The following CYTH1 variants were observed in gnomAD, a reference collection of about 807,000 sequenced individuals.
The protein encoded by CYTH1 is cytohesin-1.
CYTH1 carries 18 observed loss-of-function variants against 61.8 expected under a neutral mutation model. The observed-to-expected ratio is 0.29, with a 90% CI of 0.20 to 0.43. The LOEUF (loss-of-function observed/expected upper bound fraction) is 0.43, where lower values mean the gene tolerates loss of function less well. Ranked by LOEUF, CYTH1 falls within the 20% of genes least tolerant of loss-of-function variation. CYTH1 has a pLI of 1.00. For synonymous variants in CYTH1, 174 were observed against 184.3 expected, an observed-to-expected ratio of 0.94 and a Z score of 0.45; for missense variants, 336 against 510.5, an observed-to-expected ratio of 0.66 and a Z score of 3.29.
chr17:78,754,697 G>C (rs1388993680), intron 1 of CYTH1, among the ~76,000 whole-genome samples: 1 of 152,006 alleles, frequency 6.6e-6, no homozygotes, highest in Admixed American at 6.6e-5. Context: ...TTTGCATTTA[G>C]TTTGTGACTG....
intron 1 of CYTH1, among the ~76,000 whole-genome samples, chr17:78,738,784 T>C (rs74682389): frequency 2.9e-3 from 443 of 152,320 alleles, no homozygotes; most frequent in African/African-American, 9.7e-3. Flanking sequence ...TCTTCTGGTA[T>C]CAGGTCTGAT....
At chr17:78,716,632 G>C (rs1415266583) in intron 1 of CYTH1, among the ~76,000 whole-genome samples, 1 of 152,148 alleles carries the variant, frequency 6.6e-6, no homozygotes, top group Non-Finnish European at 1.5e-5. Flanking sequence ...CATTTTTCTA[G>C]TGGAATTTTA....
chr17:78,703,765 C>T (rs1055527975), intron 3 of CYTH1, among the ~76,000 whole-genome samples: 1 of 152,222 alleles, frequency 6.6e-6, no homozygotes. Flanking sequence ...GCCAGTACTA[C>T]ATGCCTTCTT....
At chr17:78,715,846 G>A (rs1256508721) in intron 1 of CYTH1, among the ~76,000 whole-genome samples, 2 of 152,144 alleles carry the variant, frequency 1.3e-5, no homozygotes, top group African/African-American at 2.4e-5. Context: ...GACAAAGCAT[G>A]AAAGACCAAC....
chr17:78,743,592 T>C (rs757981781), intron 1 of CYTH1, among the ~76,000 whole-genome samples: 1 of 152,162 alleles, frequency 6.6e-6, no homozygotes, highest in African/African-American at 2.4e-5. Flanking sequence ...ATCTAGAACT[T>C]GTCTGGTTCC....
intron 1 of CYTH1, among the ~76,000 whole-genome samples, chr17:78,760,536 CATATATATGT>C (rs1555615386): frequency 0.016 from 657 of 42,188 alleles, 88 homozygotes; most frequent in African/African-American, 0.06. Flanking sequence ...TATATACATA[CATATATATGT>C]ATATATATAT....
rs146352712 is a variant in CYTH1 at position 78,772,162 on chromosome 17, C to T, written c.22+10040G>A. ...CAGGCAAAGTTCTTTTCTTTAGAAG[C>T]CCACTCTGAAGACTTTCATCTTGGA... On this transcript the variant is annotated intron_variant, in intron 1 of 13. Coordinates refer to ENST00000446868, the MANE Select transcript of CYTH1 (RefSeq NM_004762.6). 6.6e-5 allele frequency among the ~76,000 whole-genome samples: 10 copies of T among 152,264 alleles called. No individual in the cohort carries two copies. In the East Asian group the frequency reaches 1.5e-3, roughly 23 times the overall value.
At chr17:78,724,821 G>A (rs558882765) in intron 1 of CYTH1, among the ~76,000 whole-genome samples, 1 of 152,276 alleles carries the variant, frequency 6.6e-6, no homozygotes, top group African/African-American at 2.4e-5. Context: ...AATGCAAACA[G>A]ACGTCCTCAT....
intron 1 of CYTH1, among the ~76,000 whole-genome samples, chr17:78,718,218 T>TACACACATAC (rs1555610038): frequency 7.8e-5 from 10 of 128,336 alleles, no homozygotes; most frequent in African/African-American, 3.1e-4. Context: ...AAACACTGAA[T>TACACACATAC]ACACACACAC....
intron 11 of CYTH1, among the ~76,000 whole-genome samples, chr17:78,683,822 C>T (rs574313139): frequency 2.0e-5 from 3 of 152,276 alleles, no homozygotes; most frequent in African/African-American, 7.2e-5. Flanking sequence ...CTGGTTTTTA[C>T]CCTCCCCATT....
chr17:78,698,146 C>G (rs998995626), intron 9 of CYTH1, 123 bp downstream of exon 9: 3 of 810,202 alleles, frequency 3.7e-6, no homozygotes, highest in South Asian at 2.9e-5. Flanking sequence ...CACACACGCA[C>G]GCGCACACAT....
intron 1 of CYTH1, among the ~76,000 whole-genome samples, chr17:78,761,125 G>T (rs935063985): frequency 6.6e-6 from 1 of 151,988 alleles, no homozygotes; most frequent in African/African-American, 2.4e-5. Flanking sequence ...GAGCCACCGC[G>T]CCCAGCCTCG....
In CYTH1 at chr17:78,778,637, CAAAAAAAAAAAA is replaced by C. The variant is rs71309108; in HGVS notation, c.22+3553_22+3564del. On this transcript the variant is annotated intron_variant, in intron 1 of 13. Coordinates refer to ENST00000446868, the MANE Select transcript of CYTH1 (RefSeq NM_004762.6). ...TGGGCAACACAGTGAGACTCCATCT[CAAAAAAAAAAAA>C]AAAAAAAAAAAAGAAAGAAAAAGTT... Among the ~76,000 whole-genome samples the C allele has an allele frequency of 1.2e-4, 8 of 64,216 alleles. No homozygotes were observed. The East Asian group carries it at 1.3e-3, about 11-fold the overall frequency. The allele number at this position is 64,216 out of a possible 152,430, so 42.1% of individuals were successfully genotyped here. A position where few individuals can be genotyped will look rare whatever the true frequency, so the allele number is the denominator to read the frequency against.
intron 1 of CYTH1, among the ~76,000 whole-genome samples, chr17:78,738,084 C>T (rs1030760594): frequency 5.9e-5 from 9 of 152,240 alleles, no homozygotes; most frequent in South Asian, 2.1e-4. Flanking sequence ...CGTGTGCACA[C>T]GTTTCGGCAC....
chr17:78,771,880 G>C (rs1237135523), intron 1 of CYTH1, among the ~76,000 whole-genome samples: 1 of 152,082 alleles, frequency 6.6e-6, no homozygotes, highest in Admixed American at 6.6e-5. Flanking sequence ...AATATACAAT[G>C]TCACGCTATC....
intron 7 of CYTH1, among the ~76,000 whole-genome samples, chr17:78,699,416 C>T (rs59855095): frequency 2.0e-5 from 3 of 151,416 alleles, no homozygotes; most frequent in East Asian, 3.9e-4. Context: ...TCCACATGTA[C>T]GGGTACACTC....
At chr17:78,696,280 C>T (rs2144230236) in intron 9 of CYTH1, among the ~76,000 whole-genome samples, 1 of 152,300 alleles carries the variant, frequency 6.6e-6, no homozygotes, top group East Asian at 1.9e-4. Flanking sequence ...GGAAACCTGG[C>T]CCCAAAGATG....
Position 78,675,947 on chromosome 17 carries a change from A to T in CYTH1, c.*144T>A. 6.5e-7 allele frequency: 1 copy of T among 1,547,790 alleles called. No individual in the cohort carries two copies. The highest frequency in any genetic ancestry group is 2.4e-5 in the East Asian group (1 of 40,860). On this transcript the variant is annotated 3_prime_UTR_variant, in exon 14 of 14. Coordinates refer to ENST00000446868, the MANE Select transcript of CYTH1 (RefSeq NM_004762.6). Reference sequence around the variant, plus strand: ...CCCACCCTTCTCCCACTTAAAAAAAATAGCAAAAGCTGAAGCTAGTCTCTA... The same window carrying T: ...CCCACCCTTCTCCCACTTAAAAAAATTAGCAAAAGCTGAAGCTAGTCTCTA...
chr17:78,747,854 G>A (rs1330792268), intron 1 of CYTH1, among the ~76,000 whole-genome samples: 6 of 152,198 alleles, frequency 3.9e-5, no homozygotes, highest in East Asian at 1.9e-4. Context: ...CTATAAGCAC[G>A]TAAAATTTTG....
Sources: gnomAD v4.1 joint callset for allele counts (sites outside exome capture counted in the v4.1 genomes callset) on GRCh38, gnomAD v4.1.1 for gene constraint, MANE v1.5 for transcripts, NCBI Gene and HGNC (gene_info 2026-07-23, HGNC 2026-07-21) for gene names.